The following EPC1 variants were observed in gnomAD, a reference collection of about 807,000 sequenced individuals.
The protein encoded by EPC1 is enhancer of polycomb homolog 1.
EPC1 carries 12 observed loss-of-function variants against 98.4 expected under a neutral mutation model. The ratio of observed to expected loss-of-function variants is 0.12; its 90% CI spans 0.08 to 0.20. EPC1 has a LOEUF of 0.20. Ranked by LOEUF, EPC1 falls within the 10% of genes least tolerant of loss-of-function variation. The pLI is 1.00. For synonymous variants in EPC1, 357 were observed against 363.9 expected, an observed-to-expected ratio of 0.98 and a Z score of 0.21; for missense variants, 729 against 990.5, an observed-to-expected ratio of 0.74 and a Z score of 3.54.
At chr10:32,364,352 A>C (rs899350524) in intron 1 of EPC1, among the ~76,000 whole-genome samples, 1 of 152,116 alleles carries the variant, frequency 6.6e-6, no homozygotes, top group Non-Finnish European at 1.5e-5. Flanking sequence ...TTGGTTACTC[A>C]GGGTATTTTT....
chr10:32,324,754 G>C (rs1481112561), intron 1 of EPC1, among the ~76,000 whole-genome samples: 1 of 152,124 alleles, frequency 6.6e-6, no homozygotes, highest in East Asian at 1.9e-4. Flanking sequence ...AGCACTTTGG[G>C]AGGCCGAGGT....
chr10:32,337,405 T>G (rs1318687781), intron 1 of EPC1, among the ~76,000 whole-genome samples: 1 of 152,208 alleles, frequency 6.6e-6, no homozygotes, highest in Non-Finnish European at 1.5e-5. Flanking sequence ...TCAGATCAGT[T>G]TTCAGCTAGA....
rs763603895 is a variant in EPC1, at chr10:32,286,784, C to A, written c.1301G>T (p.Gly434Val). ...PWTSPKDGGL[G>V]DVRYRYCLTT... ...TAAGCAGTATCTATATCGCACATCCCCTAATCCTCCATCTTTAGGACTAGT... is the reference window on the plus strand; with the variant it reads ...TAAGCAGTATCTATATCGCACATCCACTAATCCTCCATCTTTAGGACTAGT... The change falls in exon 9 of 14, where the codon GGG becomes GTG. Residue 434 changes from glycine (G) to valine (V), a missense_variant. By Grantham distance (109) the Gly-to-Val change is moderately radical. Coordinates refer to ENST00000319778, the MANE Select transcript of EPC1 (RefSeq NM_001272004.3). 2.5e-6 allele frequency: 4 copies of A among 1,614,060 alleles called. No homozygotes were observed. The South Asian group carries it at 4.4e-5, about 18-fold the overall frequency.
intron 1 of EPC1, among the ~76,000 whole-genome samples, chr10:32,344,620 T>C (rs1325630036): frequency 2.0e-5 from 3 of 147,540 alleles, no homozygotes; most frequent in African/African-American, 7.6e-5. Context: ...ACCCCGTCTC[T>C]GTTAAAAGTA....
At chr10:32,352,388 C>G (rs1030075953) in intron 1 of EPC1, among the ~76,000 whole-genome samples, 5 of 152,066 alleles carry the variant, frequency 3.3e-5, no homozygotes, top group Non-Finnish European at 7.4e-5. Context: ...CCTGTCCTGC[C>G]TCAGACTGTC....
intron 1 of EPC1, among the ~76,000 whole-genome samples, chr10:32,316,989 T>C (rs896352576): frequency 2.6e-5 from 4 of 152,246 alleles, no homozygotes; most frequent in Non-Finnish European, 5.9e-5. Flanking sequence ...GCTAGTGGTA[T>C]ATTATGGGTA....
chr10:32,343,990 A>G (rs1370736777), intron 1 of EPC1, among the ~76,000 whole-genome samples: 1 of 152,186 alleles, frequency 6.6e-6, no homozygotes, highest in African/African-American at 2.4e-5. Context: ...AGGACTACAT[A>G]CTTTTTTTTC....
intron 1 of EPC1, among the ~76,000 whole-genome samples, chr10:32,355,819 C>T (rs1839258844): frequency 6.7e-6 from 1 of 149,592 alleles, no homozygotes; most frequent in Admixed American, 6.7e-5. Flanking sequence ...CCATGTTGGC[C>T]AGGCTGGTCT....
intron 1 of EPC1, among the ~76,000 whole-genome samples, chr10:32,310,903 CTTATCT>C (rs142872654): frequency 0.15 from 23,114 of 152,010 alleles, 2,030 homozygotes; most frequent in South Asian, 0.33. Context: ...ATAATTACCT[CTTATCT>C]TTAACAGTCA....
intron 1 of EPC1, among the ~76,000 whole-genome samples, chr10:32,364,166 C>G (rs532029577): frequency 4.0e-5 from 6 of 151,446 alleles, no homozygotes; most frequent in Non-Finnish European, 7.4e-5. Flanking sequence ...AGGTGCCCAC[C>G]ACCACACCGG....
At chr10:32,323,895 T>A (rs1837093519) in intron 1 of EPC1, among the ~76,000 whole-genome samples, 1 of 152,228 alleles carries the variant, frequency 6.6e-6, no homozygotes, top group African/African-American at 2.4e-5. Context: ...ATAGGCAAAT[T>A]ATAATAATTA....
rs79912796 is a variant in EPC1 at position 32,302,254 on chromosome 10, T to A, written c.313+3518A>T. 8.3e-4 allele frequency among the ~76,000 whole-genome samples: 124 copies of A among 149,596 alleles called. 1 individual carries two copies. The highest frequency in any genetic ancestry group is 1.1e-3 in the African/African-American group (44 of 40,620). On this transcript the variant is annotated intron_variant, in intron 2 of 13. Transcript: ENST00000319778. ...AGACTCCGTCTCAAAAAAAAAAAAA[T>A]TTTTTTCCAAGTCATATATCTGACA...
At position 32,268,953 on chromosome 10, in the gene EPC1, C is replaced by G. The variant is rs1418144652; in HGVS notation, c.*110G>C. On this transcript the variant is annotated 3_prime_UTR_variant, in exon 14 of 14. Transcript: ENST00000319778. ...GATGAGCATTGCTGTCAAGTCCCCA[C>G]AGCTGCCACAGAAACGCATGTGCTG... 6 of 893,196 alleles carry G rather than the reference C, an allele frequency of 6.7e-6. No homozygotes were observed. The highest frequency in any genetic ancestry group is 5.0e-5 in the African/African-American group (3 of 59,790). 55.3% of individuals were successfully genotyped at this position (893,196 alleles called of 1,614,324 possible). A position where few individuals can be genotyped will look rare whatever the true frequency, so the allele number is the denominator to read the frequency against.
At chr10:32,327,786 CA>C (rs1837391954) in intron 1 of EPC1, among the ~76,000 whole-genome samples, 1 of 152,088 alleles carries the variant, frequency 6.6e-6, no homozygotes. Context: ...TGGATCTAAG[CA>C]TATCTAAACA....
chr10:32,347,617 A>G (rs1838942469), upstream of EPC1: 1 of 152,024 alleles, frequency 6.6e-6, no homozygotes, highest in South Asian at 2.1e-4. Context: ...CCCCGGGGCC[A>G]CGGCCGCCCC....
chr10:32,286,634 T>C (rs1025646057), intron 9 of EPC1, 60 bp downstream of exon 9: 1 of 1,580,426 alleles, frequency 6.3e-7, no homozygotes, highest in Non-Finnish European at 8.6e-7. Flanking sequence ...CTTTAAAAGT[T>C]AGATTCAATC....
upstream of EPC1, among the ~76,000 whole-genome samples, chr10:32,352,031 C>T (rs1839126971): frequency 2.1e-5 from 3 of 145,952 alleles, no homozygotes; most frequent in African/African-American, 5.1e-5. Context: ...CCATCGTGCC[C>T]AGCCATATTG....
intron 1 of EPC1, among the ~76,000 whole-genome samples, chr10:32,377,783 A>G (rs1468867114): frequency 6.6e-6 from 1 of 152,130 alleles, no homozygotes; most frequent in East Asian, 1.9e-4. Flanking sequence ...ATGCAAAACA[A>G]AAAAGATCTC....
At chr10:32,290,252 C>A (rs973292992) in intron 6 of EPC1, among the ~76,000 whole-genome samples, 1 of 151,900 alleles carries the variant, frequency 6.6e-6, no homozygotes, top group Non-Finnish European at 1.5e-5. Flanking sequence ...GAGGCCTAGA[C>A]GGGCGGATCA....
Sources: gnomAD v4.1 joint callset for allele counts (sites outside exome capture counted in the v4.1 genomes callset) on GRCh38, gnomAD v4.1.1 for gene constraint, MANE v1.5 for transcripts, NCBI Gene and HGNC (gene_info 2026-07-23, HGNC 2026-07-21) for gene names.